CREB5: variants seen among roughly 807,000 people sequenced by gnomAD.
CREB5 encodes cyclic AMP-responsive element-binding protein 5.
CREB5 carries 19 observed loss-of-function variants against 57.1 expected under a neutral mutation model. That is an observed-to-expected ratio of 0.33 (90% CI 0.23 to 0.49). CREB5 has a LOEUF of 0.49. Among genes scored for constraint, CREB5 ranks in the 20% least tolerant of loss-of-function variants. The probability of loss-of-function intolerance (pLI) is 0.99; values close to 1 mark genes in which losing one functional copy is unlikely to be tolerated. For missense variants in CREB5, 579 were observed against 671.6 expected (o/e 0.86, Z 1.52); for synonymous variants, 238 against 238.3 (o/e 1.00, Z 0.01).
intron 1 of CREB5, among the ~76,000 whole-genome samples, chr7:28,470,090 G>A (rs1253479928): frequency 6.6e-6 from 1 of 152,084 alleles, no homozygotes; most frequent in African/African-American, 2.4e-5. Flanking sequence ...TACTCTTTTA[G>A]TAATTTTAAA....
intron 5 of CREB5, among the ~76,000 whole-genome samples, chr7:28,599,244 C>T (rs1224129415): frequency 6.6e-6 from 1 of 151,744 alleles, no homozygotes; most frequent in East Asian, 1.9e-4. Context: ...ATATCTATAA[C>T]ATATATAAAT....
At chr7:28,655,586 G>A (rs1799303866) in intron 5 of CREB5, among the ~76,000 whole-genome samples, 1 of 152,170 alleles carries the variant, frequency 6.6e-6, no homozygotes, top group African/African-American at 2.4e-5. Flanking sequence ...CTGCACTCCA[G>A]CCTGAGTGAC....
At chr7:28,448,235 G>A (rs373403970) in intron 1 of CREB5, among the ~76,000 whole-genome samples, 109 of 152,282 alleles carry the variant, frequency 7.2e-4, no homozygotes, top group African/African-American at 2.6e-3. Flanking sequence ...GACTCAGACT[G>A]GCTCTCCTTG....
At chr7:28,560,897 C>CGTGCGTGTGCGTGCGTGTGT (rs1554344444) in intron 4 of CREB5, among the ~76,000 whole-genome samples, 4 of 22,548 alleles carry the variant, frequency 1.8e-4, no homozygotes, top group Non-Finnish European at 2.8e-4. Flanking sequence ...CGTGTGTGTG[C>CGTGCGTGTGCGTGCGTGTGT]GTGCGCGCGT....
intron 5 of CREB5, chr7:28,686,307 C>T (rs1023423554): frequency 3.9e-6 from 3 of 760,486 alleles, no homozygotes; most frequent in Non-Finnish European, 6.7e-6. Context: ...TCATTTTCTC[C>T]CCCTTCTCCC....
chr7:28,331,755 A>G (rs1488458887), intron 1 of CREB5, among the ~76,000 whole-genome samples: 2 of 150,600 alleles, frequency 1.3e-5, no homozygotes, highest in African/African-American at 4.9e-5. Context: ...GGGCTGAGGC[A>G]GGAGAAGTGC....
intron 5 of CREB5, among the ~76,000 whole-genome samples, chr7:28,649,570 T>G (rs1041221950): frequency 2.0e-4 from 31 of 152,190 alleles, no homozygotes; most frequent in African/African-American, 7.5e-4. Flanking sequence ...TGGGTCATAC[T>G]CCAAGCCACC....
intron 1 of CREB5, among the ~76,000 whole-genome samples, chr7:28,319,975 G>A (rs1348651282): frequency 3.3e-5 from 5 of 151,864 alleles, no homozygotes; most frequent in African/African-American, 7.3e-5. Flanking sequence ...CTGTCACTCA[G>A]GCTGGAGTGA....
intron 1 of CREB5, among the ~76,000 whole-genome samples, chr7:28,370,674 A>G (rs1025716524): frequency 1.3e-4 from 20 of 152,204 alleles, no homozygotes; most frequent in Admixed American, 7.9e-4. Context: ...CACTGCAGAA[A>G]ATGTACGCAC....
At chr7:28,698,370 A>C (rs75269598) in intron 5 of CREB5, among the ~76,000 whole-genome samples, 1 of 132,750 alleles carries the variant, frequency 7.5e-6, no homozygotes. Context: ...AAAAAAAAAA[A>C]ACACACTCAC....
At chr7:28,717,532 C>T (rs904050351) in intron 5 of CREB5, among the ~76,000 whole-genome samples, 2 of 152,194 alleles carry the variant, frequency 1.3e-5, no homozygotes, top group Non-Finnish European at 2.9e-5. Context: ...CAAAGGAACT[C>T]TGGGGAAGCA....
At chr7:28,641,288 C>A (rs923639776) in intron 5 of CREB5, among the ~76,000 whole-genome samples, 5 of 152,116 alleles carry the variant, frequency 3.3e-5, no homozygotes, top group Admixed American at 2.0e-4. Flanking sequence ...GACCACCCCC[C>A]CATCGGGTGA....
At chr7:28,628,849 A>T (rs935500143) in intron 5 of CREB5, among the ~76,000 whole-genome samples, 1 of 152,230 alleles carries the variant, frequency 6.6e-6, no homozygotes, top group African/African-American at 2.4e-5. Flanking sequence ...TTGGTTCATG[A>T]ACTACAGTCT....
At chr7:28,806,894 A>G (rs191982252) in intron 8 of CREB5, among the ~76,000 whole-genome samples, 8 of 152,330 alleles carry the variant, frequency 5.3e-5, no homozygotes, top group Admixed American at 4.6e-4. Context: ...GGGGCTGGCA[A>G]TAAGAGATTA....
At chr7:28,469,400 G>A (rs1346826337) in intron 1 of CREB5, among the ~76,000 whole-genome samples, 1 of 152,118 alleles carries the variant, frequency 6.6e-6, no homozygotes, top group African/African-American at 2.4e-5. Context: ...GAAATTAGCT[G>A]GGGCAATTAA....
chr7:28,614,806 A>G (rs1374159133), intron 5 of CREB5, among the ~76,000 whole-genome samples: 3 of 152,182 alleles, frequency 2.0e-5, no homozygotes, highest in Non-Finnish European at 4.4e-5. Context: ...AACAATTATC[A>G]GCTTACAATC....
At chr7:28,536,803 A>T (rs1793982624) in intron 4 of CREB5, among the ~76,000 whole-genome samples, 1 of 152,192 alleles carries the variant, frequency 6.6e-6, no homozygotes, top group Admixed American at 6.5e-5. Flanking sequence ...ATACAACCCT[A>T]AAAAAGTAGC....
intron 1 of CREB5, among the ~76,000 whole-genome samples, chr7:28,436,817 G>C (rs969249045): frequency 6.6e-6 from 1 of 152,146 alleles, no homozygotes; most frequent in Non-Finnish European, 1.5e-5. Flanking sequence ...CACACCATTT[G>C]ATTGTGAGAT....
chr7:28,367,935 A>G (rs754717046), intron 1 of CREB5, among the ~76,000 whole-genome samples: 1 of 152,182 alleles, frequency 6.6e-6, no homozygotes, highest in Non-Finnish European at 1.5e-5. Flanking sequence ...TGCCACCATC[A>G]TGGCTTGCCT....
Sources: gnomAD v4.1 joint callset for allele counts (sites outside exome capture counted in the v4.1 genomes callset) on GRCh38, gnomAD v4.1.1 for gene constraint, MANE v1.5 for transcripts, NCBI Gene and HGNC (gene_info 2026-07-23, HGNC 2026-07-21) for gene names.